Variants in PALM3 observed in about 807,000 individuals in gnomAD.
PALM3 encodes the protein paralemmin 3, also known as paralemmin-3.
In PALM3, 20 loss-of-function variants were observed where a neutral mutation model predicts 27.9. The ratio of observed to expected loss-of-function variants is 0.72; its 90% CI spans 0.50 to 1.04. The LOEUF (loss-of-function observed/expected upper bound fraction) is 1.04, where lower values mean the gene tolerates loss of function less well. Ranked by LOEUF, PALM3 falls within the 50% of genes least tolerant of loss-of-function variation. The probability of loss-of-function intolerance (pLI) is 0.00; values close to 1 mark genes in which losing one functional copy is unlikely to be tolerated. For synonymous variants in PALM3, 328 were observed against 352.7 expected (o/e 0.93, Z 0.79); for missense variants, 814 against 869.4 (o/e 0.94, Z 0.80).
In PALM3 at chr19:14,056,805, C is replaced by G; in HGVS notation, c.172-1G>C. ...GCCAACGTTCCCGGAGAGACTTCCT[C>G]TGGGCAGGGGAAGGGAGTTGGGGCT... On this transcript the variant is annotated splice_acceptor_variant, in intron 3 of 6. Transcript: ENST00000669674. LOFTEE classifies it high-confidence loss of function. The G allele has an allele frequency of 6.5e-7, 1 of 1,545,476 alleles. No homozygotes were observed.
chr19:14,057,568 T>A, intron 2 of PALM3, 137 bp from the exon 3 acceptor site: 1 of 502,070 alleles, frequency 2.0e-6, no homozygotes, highest in Non-Finnish European at 3.0e-6. Context: ...CCGGCGGGGG[T>A]GGCCCAGCGC....
At chr19:14,061,190 C>G (rs1034851279) in intron 1 of PALM3, among the ~76,000 whole-genome samples, 1 of 152,192 alleles carries the variant, frequency 6.6e-6, no homozygotes, top group Non-Finnish European at 1.5e-5. Context: ...CTGCCTCTTC[C>G]TTGCTGGGGG....
intron 5 of PALM3, among the ~76,000 whole-genome samples, chr19:14,055,982 C>T (rs1976297656): frequency 6.6e-6 from 1 of 152,138 alleles, no homozygotes; most frequent in African/African-American, 2.4e-5. Context: ...GATCTCAGCT[C>T]ACTGCAACCT....
chr19:14,059,916 C>T lies in PALM3; in HGVS notation c.42-753G>A, dbSNP rs138353673. ...TCGAGATTCCCCTGTCATTGTCTTCCTCAAAACATCTCTACTTCTCAGCCT... is the reference window on the plus strand; with the variant it reads ...TCGAGATTCCCCTGTCATTGTCTTCTTCAAAACATCTCTACTTCTCAGCCT... On this transcript the variant is annotated intron_variant, in intron 1 of 6. Coordinates refer to ENST00000669674, the MANE Select transcript of PALM3 (RefSeq NM_001145028.2). Among the ~76,000 whole-genome samples the T allele has an allele frequency of 2.2e-3, 337 of 152,244 alleles. 1 individual carries two copies. The highest frequency in any genetic ancestry group is 7.2e-3 in the African/African-American group (301 of 41,518).
At chr19:14,057,553 C>G in intron 2 of PALM3, 122 bp from the exon 3 acceptor site, 1 of 777,194 alleles carries the variant, frequency 1.3e-6, no homozygotes, top group Non-Finnish European at 1.8e-6. Context: ...CCCGAGGCAG[C>G]GAGCCCGGCG....
chr19:14,054,104 C>A lies in PALM3; in HGVS notation c.1568G>T (p.Arg523Ile). 1 of 1,551,694 alleles carries A rather than the reference C, an allele frequency of 6.4e-7. No individual in the cohort carries two copies. The highest frequency in any genetic ancestry group is 1.2e-5 in the South Asian group (1 of 84,050). Residue 523 changes from arginine to isoleucine, a missense_variant, in exon 7 of 7, where the codon AGA becomes ATA. Transcript: ENST00000669674. ...CTCCAGTGTCTCCTCCCCTCCCTTT[C>A]TCTCTGCCTCCAGTGGTTCTTTGGT... The part of the protein sequence containing the change: ...EATKEPLEAE[R>I]KGGEETLEAE...
rs565544231 is a variant in PALM3 at position 14,054,377 on chromosome 19, G to A, written c.1295C>T (p.Ala432Val). ...CCTCTCTACCACTGGTGACATCTCC[G>A]CTTCATCCCTCCCTGTCCCTGGCTT... ...EEKPGTGRDE[A>V]EMSPVVERKG... is the part of the protein sequence containing the mutation. Residue 432 changes from alanine (A) to valine (V), a missense_variant, in exon 7 of 7, where the codon GCG becomes GTG. Physicochemically the swap from Ala to Val is moderately conservative, Grantham distance 64. Transcript: ENST00000669674. 1.5e-5 allele frequency: 24 copies of A among 1,551,694 alleles called. 1 individual carries two copies. In the South Asian group the frequency reaches 2.0e-4, roughly 13 times the overall value.
rs993328601 is a variant in PALM3 at position 14,057,494 on chromosome 19, C to G, written c.91-63G>C. ...CGCGGCCTCCACCACCTCCTCTTCC[C>G]TCCCTTTCCCCTCCCTCCTCCGCGG... On this transcript the variant is annotated intron_variant, in intron 2 of 6. Coordinates refer to ENST00000669674, the MANE Select transcript of PALM3 (RefSeq NM_001145028.2). 1.5e-5 allele frequency: 20 copies of G among 1,314,258 alleles called. 1 individual carries two copies. In the East Asian group the frequency reaches 2.6e-4, roughly 17 times the overall value. The allele number at this position is 1,314,258 out of a possible 1,614,324, so 81.4% of individuals were successfully genotyped here. A position where few individuals can be genotyped will look rare whatever the true frequency, so the allele number is the denominator to read the frequency against.
At chr19:14,056,391 C>T (rs1382865333) in intron 5 of PALM3, 38 bp downstream of exon 5, 3 of 1,510,702 alleles carry the variant, frequency 2.0e-6, no homozygotes, top group Non-Finnish European at 2.7e-6. Flanking sequence ...GCCTGCTGGC[C>T]ATGCCCTCCC....
intron 5 of PALM3, among the ~76,000 whole-genome samples, 171 bp from the exon 6 acceptor site, chr19:14,055,596 T>G (rs1976290798): frequency 6.6e-6 from 1 of 152,122 alleles, no homozygotes; most frequent in Non-Finnish European, 1.5e-5. Flanking sequence ...TATTGCCCTA[T>G]GTTCCAGGGC....
chr19:14,057,338 G>A lies in PALM3; in HGVS notation c.171+13C>T, dbSNP rs1976324966. ...TTCCCCAGGCTAGGCAGGCGCCCCC[G>A]CCCGCCCCCAACCTTGAGACGCTCC... On this transcript the variant is annotated intron_variant, in intron 3 of 6. Transcript: ENST00000669674. 4 of 1,512,020 alleles carry A rather than the reference G, an allele frequency of 2.6e-6. No homozygotes were observed. Among genetic ancestry groups the A allele is most frequent in the Non-Finnish European group, 3.5e-6 (4 of 1,127,844 alleles). 93.7% of individuals were successfully genotyped at this position (1,512,020 alleles called of 1,614,324 possible).
Position 14,055,174 on chromosome 19 carries a change from C to T in PALM3, c.498G>A (p.Thr166=), listed in dbSNP as rs1034616551. The change falls in exon 7 of 7, where the codon ACG becomes ACA. Residue 166 remains threonine, a synonymous_variant. Coordinates refer to ENST00000669674, the MANE Select transcript of PALM3 (RefSeq NM_001145028.2). The part of the protein sequence containing the change: ...RASLPAGLVG[T]PPESPSEPRE... ...TGGGCTCAGAGGGGGACTCTGGAGGCGTGCCCACTAGTCCAGCCGGCAGGG... is the reference window on the plus strand; with the variant it reads ...TGGGCTCAGAGGGGGACTCTGGAGGTGTGCCCACTAGTCCAGCCGGCAGGG... The T allele has an allele frequency of 2.7e-5, 41 of 1,546,078 alleles. No homozygotes were observed. The highest frequency in any genetic ancestry group is 2.0e-4 in the Admixed American group (10 of 50,528).
intron 1 of PALM3, 73 bp downstream of exon 1, chr19:14,061,867 A>T (rs960492420): frequency 2.8e-5 from 26 of 934,562 alleles, no homozygotes; most frequent in Non-Finnish European, 3.3e-5. Context: ...CGGCTCCCAG[A>T]CAAGGCCAGC....
chr19:14,060,846 C>T (rs914945728), intron 1 of PALM3, among the ~76,000 whole-genome samples: 1 of 152,110 alleles, frequency 6.6e-6, no homozygotes, highest in African/African-American at 2.4e-5. Flanking sequence ...CTGCAACCCC[C>T]GCTTCCTGGG....
Position 14,054,199 on chromosome 19 carries a change from C to G in PALM3, c.1473G>C (p.Gly491=). The G allele has an allele frequency of 1.3e-6, 2 of 1,551,970 alleles. No homozygotes were observed. Among genetic ancestry groups the G allele is most frequent in the Non-Finnish European group, 1.7e-6 (2 of 1,147,062 alleles). The change falls in exon 7 of 7, where the codon GGG becomes GGC. Residue 491 remains glycine (G), a synonymous_variant. Coordinates refer to ENST00000669674, the MANE Select transcript of PALM3 (RefSeq NM_001145028.2). The part of the protein sequence containing the change: ...AEKEGDEEKR[G]AEEEEVEEPL... Reference sequence around the variant, plus strand: ...GTTCTTCTACCTCCTCCTCCTCTGCCCCTCGCTTTTCCTCATCTCCTTCCT... The same window carrying G: ...GTTCTTCTACCTCCTCCTCCTCTGCGCCTCGCTTTTCCTCATCTCCTTCCT...
chr19:14,057,389 C>T lies in PALM3; in HGVS notation c.133G>A (p.Glu45Lys). 7.1e-6 allele frequency: 11 copies of T among 1,545,060 alleles called. No individual in the cohort carries two copies. The highest frequency in any genetic ancestry group is 9.6e-6 in the Non-Finnish European group (11 of 1,145,508). ...LQEEIRAARREVEEEKLRVER... is the reference protein window; with the variant it reads ...LQEEIRAARRKVEEEKLRVER... ...ACGCGGAGTTTCTCCTCCTCCACCT[C>T]CCGGCGCGCGGCGCGGATCTCCTCC... The change falls in exon 3 of 7, where the codon GAG becomes AAG. Residue 45 changes from glutamate (E) to lysine (K), a missense_variant. Glu to Lys is a moderately conservative substitution (Grantham distance 56). Coordinates refer to ENST00000669674, the MANE Select transcript of PALM3 (RefSeq NM_001145028.2).
intron 1 of PALM3, among the ~76,000 whole-genome samples, chr19:14,059,686 T>G (rs1175013433): frequency 6.6e-6 from 1 of 151,926 alleles, no homozygotes; most frequent in Admixed American, 6.6e-5. Context: ...TCCCACACCC[T>G]CTCTGGACCT....
chr19:14,054,616 C>G lies in PALM3; in HGVS notation c.1056G>C (p.Glu352Asp), dbSNP rs1976262867. 1 of 1,551,794 alleles carries G rather than the reference C, an allele frequency of 6.4e-7. No homozygotes were observed. Among genetic ancestry groups the G allele is most frequent in the Non-Finnish European group, 8.7e-7 (1 of 1,146,970 alleles). Residue 352 changes from glutamate (E) to aspartate (D), a missense_variant, in exon 7 of 7, where the codon GAG becomes GAC. Transcript: ENST00000669674. ...EGDGQGGSGG[E>D]EGSFIWVERV... ...TCTCCACCCAAATGAAGGATCCCTC[C>G]TCTCCTCCAGAGCCTCCCTGCCCAT...
At position 14,053,584 on chromosome 19, in the gene PALM3, A is replaced by C; in HGVS notation, c.*21T>G. The C allele has an allele frequency of 6.9e-7, 1 of 1,444,802 alleles. No individual in the cohort carries two copies. The highest frequency in any genetic ancestry group is 2.5e-5 in the East Asian group (1 of 39,302). The allele number at this position is 1,444,802 out of a possible 1,614,324, so 89.5% of individuals were successfully genotyped here. The stretch of plus-strand genomic sequence containing the variant: ...GAGGTAGCTGTGAGAGGAGCTGGAC[A>C]TGGGGTGGAGGGGCATGGGTTCACA... On this transcript the variant is annotated 3_prime_UTR_variant, in exon 7 of 7. Transcript: ENST00000669674.
Sources: allele counts gnomAD v4.1 joint callset (sites outside exome capture counted in the v4.1 genomes callset), GRCh38; gene constraint gnomAD v4.1.1; transcripts MANE v1.5; gene names NCBI Gene and HGNC (gene_info 2026-07-23, HGNC 2026-07-21).